SCN9A: variants seen among roughly 807,000 people sequenced by gnomAD.
The protein encoded by SCN9A is sodium voltage-gated channel alpha subunit 9, also known as sodium channel protein type 9 subunit alpha.
In SCN9A, 131 loss-of-function variants were observed where a neutral mutation model predicts 187.0. The observed-to-expected ratio is 0.70, with a 90% CI of 0.61 to 0.81. The LOEUF (loss-of-function observed/expected upper bound fraction) is 0.81, where lower values mean the gene tolerates loss of function less well. SCN9A is among the 30% of genes least tolerant of loss of function. The pLI, the probability that SCN9A is intolerant of heterozygous loss-of-function variation, is 0.00. For missense variants in SCN9A, 2,252 were observed against 2,396.6 expected (o/e 0.94, Z 1.26); for synonymous variants, 809 against 808.6 (o/e 1.00, Z -0.01).
intron 1 of SCN9A, among the ~76,000 whole-genome samples, chr2:166,341,191 A>C (rs1195106549): frequency 6.6e-6 from 1 of 152,222 alleles, no homozygotes; most frequent in Non-Finnish European, 1.5e-5. Context: ...TGTCAAGCAA[A>C]TGGAAATTTC....
intron 17 of SCN9A, among the ~76,000 whole-genome samples, chr2:166,258,398 T>C (rs1272231249): frequency 6.6e-6 from 1 of 151,470 alleles, no homozygotes; most frequent in Admixed American, 6.6e-5. Flanking sequence ...AGAAACTTAT[T>C]CTTATCAATG....
At chr2:166,326,018 A>G (rs948065081) in intron 1 of SCN9A, among the ~76,000 whole-genome samples, 20 of 152,192 alleles carry the variant, frequency 1.3e-4, no homozygotes, top group African/African-American at 4.1e-4. Context: ...GAGAGAGGCA[A>G]TGTTTCCTTC....
At chr2:166,272,925 T>TA in intron 16 of SCN9A, 50 bp from the exon 17 acceptor site, 2 of 809,004 alleles carry the variant, frequency 2.5e-6, no homozygotes, top group Non-Finnish European at 3.6e-6. Flanking sequence ...ACAGGAAATA[T>TA]AAAAAATAAA....
Position 166,216,000 on chromosome 2 carries a change from C to T in SCN9A, c.4398+10567G>A, listed in dbSNP as rs184079194. Among the ~76,000 whole-genome samples, 308 of 152,048 alleles carry T rather than the reference C, an allele frequency of 2.0e-3. 2 individuals carry two copies. The highest frequency in any genetic ancestry group is 7.1e-3 in the African/African-American group (296 of 41,534). ...CCAAAAATTCACAACAATATATTAG[C>T]AAACTGAATTCCCTAGCACATTTAA... On this transcript the variant is annotated intron_variant, in intron 24 of 26. Coordinates refer to ENST00000642356, the MANE Select transcript of SCN9A (RefSeq NM_001365536.1).
chr2:166,272,647 C>A lies in SCN9A; in HGVS notation c.3103G>T (p.Glu1035Ter), dbSNP rs754872483. 3 of 1,612,900 alleles carry A rather than the reference C, an allele frequency of 1.9e-6. No homozygotes were observed. Among genetic ancestry groups the A allele is most frequent in the Admixed American group, 1.7e-5 (1 of 59,816 alleles). Residue 1035 changes from glutamate (E) to a stop codon, truncating the protein, a stop_gained, in exon 17 of 27, where the codon GAA becomes TAA. Transcript: ENST00000642356. LOFTEE classifies it high-confidence loss of function. ...RQAEDLNTKK[E>*]NYISNHTLAE... is the part of the protein sequence containing the mutation. Reference sequence around the variant, plus strand: ...AGTGTATGGTTAGAAATATAGTTTTCCTTCTTAGTATTCAGATCTTCTGCT... The same window carrying A: ...AGTGTATGGTTAGAAATATAGTTTTACTTCTTAGTATTCAGATCTTCTGCT...
At chr2:166,234,267 T>A (rs1318694573) in intron 20 of SCN9A, among the ~76,000 whole-genome samples, 1 of 152,196 alleles carries the variant, frequency 6.6e-6, no homozygotes, top group Non-Finnish European at 1.5e-5. Flanking sequence ...GATCTGGATC[T>A]ATAAATATGT....
intron 24 of SCN9A, among the ~76,000 whole-genome samples, chr2:166,207,976 C>G (rs996255955): frequency 6.6e-6 from 1 of 152,118 alleles, no homozygotes; most frequent in African/African-American, 2.4e-5. Flanking sequence ...AAGAGAAAAT[C>G]AAAGTAATAG....
chr2:166,316,845 T>C (rs578059299), intron 1 of SCN9A, among the ~76,000 whole-genome samples: 48 of 152,300 alleles, frequency 3.2e-4, no homozygotes, highest in Non-Finnish European at 6.0e-4. Context: ...CTAACATGTA[T>C]AAATATATTT....
At chr2:166,259,398 T>C (rs909449757) in intron 17 of SCN9A, 5 of 151,770 alleles carry the variant, frequency 3.3e-5, no homozygotes, top group African/African-American at 1.2e-4. Context: ...AGAAATTAGT[T>C]ACATATTTGA....
At chr2:166,255,607 T>C (rs1574815400) in intron 17 of SCN9A, among the ~76,000 whole-genome samples, 1 of 151,560 alleles carries the variant, frequency 6.6e-6, no homozygotes, top group Non-Finnish European at 1.5e-5. Flanking sequence ...ACAAAAACCT[T>C]ACTCAAAGAG....
At chr2:166,292,008 T>A (rs928663598) in intron 9 of SCN9A, among the ~76,000 whole-genome samples, 1 of 152,140 alleles carries the variant, frequency 6.6e-6, no homozygotes, top group Admixed American at 6.6e-5. Context: ...GAAATAGGCA[T>A]GGGCAAAGAC....
At position 166,304,255 on chromosome 2, in the gene SCN9A, G is replaced by A. The variant is rs770646119; in HGVS notation, c.671C>T (p.Thr224Ile). The A allele has an allele frequency of 1.2e-6, 2 of 1,613,336 alleles. No individual in the cohort carries two copies. The highest frequency in any genetic ancestry group is 1.3e-5 in the African/African-American group (1 of 74,894). ...CTTCTTACCTGGGATTACAGAAATA[G>A]TTTTCAAAGCTCTCAATACTCTGAA... is the stretch of plus-strand genomic sequence containing the variant. ...RTFRVLRALK[T>I]ISVIPGLKTI... Residue 224 changes from threonine (T) to isoleucine (I), a missense_variant, in exon 6 of 27, where the codon ACT becomes ATT. Physicochemically the swap from Thr to Ile is moderately conservative, Grantham distance 89. Around this residue, in one of 7 missense-constraint regions of SCN9A, gnomAD observed 1,013 missense variants for 997.4 expected, o/e 1.02. Transcript: ENST00000642356.
chr2:166,257,361 A>T (rs1004959252), intron 17 of SCN9A, among the ~76,000 whole-genome samples: 1 of 151,712 alleles, frequency 6.6e-6, no homozygotes, highest in African/African-American at 2.4e-5. Context: ...TGACAAACAC[A>T]AAGTAAGCTA....
At chr2:166,357,874 T>C (rs1700186752) in intron 1 of SCN9A, among the ~76,000 whole-genome samples, 1 of 152,090 alleles carries the variant, frequency 6.6e-6, no homozygotes, top group Admixed American at 6.6e-5. Context: ...CTTTTGAAAC[T>C]ACCAAGGAGG....
At chr2:166,297,932 T>A (rs62178522) in intron 7 of SCN9A, among the ~76,000 whole-genome samples, 21,707 of 151,964 alleles carry the variant, frequency 0.14, 1,768 homozygotes, top group East Asian at 0.36. Flanking sequence ...AGATTCTGGG[T>A]GAAGTTTTTA....
At chr2:166,330,319 C>T (rs1369800476) in intron 1 of SCN9A, among the ~76,000 whole-genome samples, 1 of 152,082 alleles carries the variant, frequency 6.6e-6, no homozygotes, top group Admixed American at 6.6e-5. Flanking sequence ...TTTTTCATTC[C>T]CATGCTTAGC....
intron 10 of SCN9A, among the ~76,000 whole-genome samples, chr2:166,287,135 A>T (rs546086933): frequency 3.3e-4 from 50 of 152,282 alleles, no homozygotes; most frequent in African/African-American, 1.2e-3. Flanking sequence ...TTCCCTAGGT[A>T]GTACCTGGGA....
In SCN9A at chr2:166,334,448, T is replaced by C. The variant is rs185493398; in HGVS notation, c.-50-22642A>G. Among the ~76,000 whole-genome samples, 3 of 152,180 alleles carry C rather than the reference T, an allele frequency of 2.0e-5. No homozygotes were observed. In the East Asian group the frequency reaches 5.8e-4, roughly 29 times the overall value. ...AATAAATATCACACCTTTATGCAAATATCCACCAATTTATATTTGTATTAC... is the reference window on the plus strand; with the variant it reads ...AATAAATATCACACCTTTATGCAAACATCCACCAATTTATATTTGTATTAC... On this transcript the variant is annotated intron_variant, in intron 1 of 26. Transcript: ENST00000642356.
chr2:166,306,381 A>G (rs936074992), intron 4 of SCN9A, 129 bp downstream of exon 4: 2 of 665,408 alleles, frequency 3.0e-6, no homozygotes, highest in Admixed American at 4.6e-5. Flanking sequence ...GAACAAAAGA[A>G]AAGCAAGCAT....
Sources: gnomAD v4.1 joint callset for allele counts (sites outside exome capture counted in the v4.1 genomes callset) on GRCh38, gnomAD v4.1.1 for gene constraint, gnomAD v4.1.1 regional missense constraint, MANE v1.5 for transcripts, NCBI Gene and HGNC (gene_info 2026-07-23, HGNC 2026-07-21) for gene names.